SEMA5A: variants seen among roughly 807,000 people sequenced by gnomAD.
SEMA5A encodes the protein semaphorin-5A.
SEMA5A carries 55 observed loss-of-function variants against 135.5 expected under a neutral mutation model. That is an observed-to-expected ratio of 0.41 (90% CI 0.33 to 0.51). The LOEUF is 0.51. Among genes scored for constraint, SEMA5A ranks in the 20% least tolerant of loss-of-function variants. The pLI is 0.37. For missense variants in SEMA5A, 1,290 were observed against 1,419.9 expected (o/e 0.91, Z 1.47); for synonymous variants, 580 against 546.5 (o/e 1.06, Z -0.85).
intron 5 of SEMA5A, among the ~76,000 whole-genome samples, chr5:9,305,354 A>G (rs1413115969): frequency 1.3e-5 from 2 of 152,084 alleles, no homozygotes; most frequent in Non-Finnish European, 2.9e-5. Flanking sequence ...TCATGGTAGT[A>G]ATATCTTCTC....
chr5:9,295,958 T>C (rs543119992), intron 5 of SEMA5A, among the ~76,000 whole-genome samples: 3 of 152,258 alleles, frequency 2.0e-5, no homozygotes, highest in South Asian at 4.1e-4. Context: ...TAATTCTAGG[T>C]AGAATAATCA....
rs756861935 is a variant in SEMA5A at position 9,042,851 on chromosome 5, C to G, written c.*46G>C. 1 of 1,610,216 alleles carries G rather than the reference C, an allele frequency of 6.2e-7. No homozygotes were observed. Among genetic ancestry groups the G allele is most frequent in the East Asian group, 2.2e-5 (1 of 44,842 alleles). ...AACATGGGCAGTCATGGGGCACAGG[C>G]CTTGAGGAACTGGGGATTTACAAGA... On this transcript the variant is annotated 3_prime_UTR_variant, in exon 23 of 23. Coordinates refer to ENST00000382496, the MANE Select transcript of SEMA5A (RefSeq NM_003966.3).
At chr5:9,499,960 C>T (rs771547742) in intron 1 of SEMA5A, among the ~76,000 whole-genome samples, 1 of 152,000 alleles carries the variant, frequency 6.6e-6, no homozygotes, top group Non-Finnish European at 1.5e-5. Context: ...TTTTATTTTA[C>T]AGCAATAGGT....
intron 3 of SEMA5A, among the ~76,000 whole-genome samples, chr5:9,376,122 C>T (rs569489435): frequency 1.3e-5 from 2 of 152,248 alleles, no homozygotes; most frequent in African/African-American, 4.8e-5. Flanking sequence ...CCTTTGGTCT[C>T]AGTAGCAGCC....
At chr5:9,101,025 G>C (rs1739600995) in intron 16 of SEMA5A, among the ~76,000 whole-genome samples, 1 of 152,170 alleles carries the variant, frequency 6.6e-6, no homozygotes, top group Admixed American at 6.5e-5. Context: ...CTTTCCCAAG[G>C]TTTCTTGCAT....
At position 9,035,103 on chromosome 5, in the gene SEMA5A, T is replaced by TAA. The variant is rs1490881430; in HGVS notation, c.*7792_*7793dup. On this transcript the variant is annotated 3_prime_UTR_variant, in exon 23 of 23. Transcript: ENST00000382496. ...TGAGACAAACTATTTACATAAAACATAAGTACAAAAAATATAATACAATTT... is the reference window on the plus strand; with the variant it reads ...TGAGACAAACTATTTACATAAAACATAAAAGTACAAAAAATATAATACAATTT... 6.6e-6 allele frequency: 1 copy of TAA among 152,528 alleles called. No homozygotes were observed. The highest frequency in any genetic ancestry group is 2.4e-5 in the African/African-American group (1 of 41,442). The allele number at this position is 152,528 out of a possible 1,614,324, so 9.4% of individuals were successfully genotyped here.
intron 2 of SEMA5A, among the ~76,000 whole-genome samples, chr5:9,410,922 T>C (rs1003925807): frequency 4.7e-5 from 7 of 149,724 alleles, no homozygotes; most frequent in Non-Finnish European, 8.9e-5. Context: ...AACAGAGCGT[T>C]CTCTATCTAC....
intron 3 of SEMA5A, among the ~76,000 whole-genome samples, chr5:9,366,630 C>T (rs1754927146): frequency 6.6e-6 from 1 of 152,124 alleles, no homozygotes; most frequent in Non-Finnish European, 1.5e-5. Context: ...CCTCATGATC[C>T]GTCCGCCTTA....
At chr5:9,348,845 C>A (rs1160476871) in intron 3 of SEMA5A, among the ~76,000 whole-genome samples, 2 of 152,178 alleles carry the variant, frequency 1.3e-5, no homozygotes, top group Non-Finnish European at 2.9e-5. Flanking sequence ...GAGGAACGTG[C>A]CAGAGATTTC....
At chr5:9,353,319 G>GAAATGAAAGGA (rs1561177769) in intron 3 of SEMA5A, among the ~76,000 whole-genome samples, 3 of 41,010 alleles carry the variant, frequency 7.3e-5, no homozygotes, top group African/African-American at 2.2e-4. Context: ...GAAGGGAAAG[G>GAAATGAAAGGA]AAGGAAAGGA....
intron 11 of SEMA5A, among the ~76,000 whole-genome samples, chr5:9,156,875 T>C (rs1421630477): frequency 6.6e-6 from 1 of 152,270 alleles, no homozygotes; most frequent in Admixed American, 6.5e-5. Context: ...GTATTTCAAA[T>C]TCTTAAGTAA....
In SEMA5A at chr5:9,546,057, C is replaced by G. The variant is rs2126417251; in HGVS notation, c.-648G>C. ...GCTCAGGGAGAGCAGCCGCCACCGG[C>G]GCCGCCTTCCCGGCAAGTAGATCGG... On this transcript the variant is annotated 5_prime_UTR_variant, in exon 1 of 23. Transcript: ENST00000382496. 6.6e-6 allele frequency: 1 copy of G among 152,332 alleles called. No individual in the cohort carries two copies. 9.4% of individuals were successfully genotyped at this position (152,332 alleles called of 1,614,324 possible).
chr5:9,349,437 C>T (rs1326487092), intron 3 of SEMA5A, among the ~76,000 whole-genome samples: 1 of 152,064 alleles, frequency 6.6e-6, no homozygotes. Flanking sequence ...TATAATTTAG[C>T]TAAGAAGATG....
chr5:9,523,774 C>T (rs1259137509), intron 1 of SEMA5A, among the ~76,000 whole-genome samples: 1 of 152,222 alleles, frequency 6.6e-6, no homozygotes, highest in Non-Finnish European at 1.5e-5. Context: ...GAGCAGAAAA[C>T]AACTCTGTCA....
intron 19 of SEMA5A, among the ~76,000 whole-genome samples, chr5:9,053,196 T>C (rs868620634): frequency 6.6e-6 from 1 of 152,124 alleles, no homozygotes; most frequent in East Asian, 1.9e-4. Context: ...TCTGGGATGG[T>C]GGTGGTGGTG....
chr5:9,179,708 C>T (rs1296803465), intron 11 of SEMA5A, among the ~76,000 whole-genome samples: 1 of 151,972 alleles, frequency 6.6e-6, no homozygotes, highest in Non-Finnish European at 1.5e-5. Context: ...ACTATTTTTT[C>T]ATTTTAATCG....
chr5:9,044,189 G>A (rs1375489325), intron 22 of SEMA5A, among the ~76,000 whole-genome samples, 184 bp downstream of exon 22: 2 of 152,290 alleles, frequency 1.3e-5, no homozygotes, highest in South Asian at 2.1e-4. Context: ...GGACATTGTG[G>A]CTCCTGGGAC....
chr5:9,235,135 C>T (rs558238304), intron 6 of SEMA5A, among the ~76,000 whole-genome samples: 6 of 152,246 alleles, frequency 3.9e-5, no homozygotes, highest in African/African-American at 9.6e-5. Flanking sequence ...AAAAACCCCT[C>T]GCTACATGAT....
intron 21 of SEMA5A, 25 bp downstream of exon 21, chr5:9,050,385 C>G: frequency 6.3e-7 from 1 of 1,596,018 alleles, no homozygotes; most frequent in Non-Finnish European, 8.6e-7. Context: ...ACATCCATTA[C>G]AACTACTTAA....
Sources: gnomAD v4.1 joint callset for allele counts (sites outside exome capture counted in the v4.1 genomes callset) on GRCh38, gnomAD v4.1.1 for gene constraint, MANE v1.5 for transcripts, NCBI Gene and HGNC (gene_info 2026-07-23, HGNC 2026-07-21) for gene names.